FSIP1: variants seen among roughly 807,000 people sequenced by gnomAD.
The protein encoded by FSIP1 is fibrous sheath-interacting protein 1.
In FSIP1, 65 loss-of-function variants were observed where a neutral mutation model predicts 60.9. That is an observed-to-expected ratio of 1.07 (90% CI 0.87 to 1.31). The LOEUF is 1.31. Ranked by LOEUF, FSIP1 falls within the 40% of genes most tolerant of loss-of-function variation. FSIP1 has a pLI of 0.00. For synonymous variants in FSIP1, 209 were observed against 221.2 expected, an observed-to-expected ratio of 0.94 and a Z score of 0.49; for missense variants, 675 against 665.5, an observed-to-expected ratio of 1.01 and a Z score of -0.16.
At chr15:39,753,472 A>G (rs1897222431) in intron 5 of FSIP1, among the ~76,000 whole-genome samples, 1 of 152,130 alleles carries the variant, frequency 6.6e-6, no homozygotes, top group Admixed American at 6.6e-5. Context: ...ATATAGATGC[A>G]AAAAATCTGA....
At chr15:39,614,305 T>C (rs1271432163) in intron 11 of FSIP1, among the ~76,000 whole-genome samples, 2 of 151,746 alleles carry the variant, frequency 1.3e-5, no homozygotes, top group Non-Finnish European at 2.9e-5. Context: ...AAATAGGAAA[T>C]TAAGAAAACA....
At chr15:39,753,497 T>G (rs916800298) in intron 5 of FSIP1, among the ~76,000 whole-genome samples, 2 of 152,158 alleles carry the variant, frequency 1.3e-5, no homozygotes, top group Non-Finnish European at 2.9e-5. Flanking sequence ...ATTCATTCAT[T>G]TAAATCTGGT....
intron 10 of FSIP1, among the ~76,000 whole-genome samples, chr15:39,618,823 A>G (rs1891337979): frequency 6.6e-6 from 1 of 152,214 alleles, no homozygotes; most frequent in South Asian, 2.1e-4. Flanking sequence ...CAGGAAATAA[A>G]TTTTTAAAAA....
intron 10 of FSIP1, among the ~76,000 whole-genome samples, chr15:39,645,709 C>A (rs370001707): frequency 6.6e-6 from 1 of 152,214 alleles, no homozygotes; most frequent in Admixed American, 6.5e-5. Context: ...TCTCTGCAGC[C>A]TGCACCCTCG....
chr15:39,627,022 T>C (rs114196855), intron 10 of FSIP1, among the ~76,000 whole-genome samples: 2,777 of 152,102 alleles, frequency 0.018, 83 homozygotes, highest in African/African-American at 0.064. Flanking sequence ...GCCCCACCCA[T>C]ATAAGAGAGA....
chr15:39,751,320 C>T (rs1897153850), intron 5 of FSIP1, among the ~76,000 whole-genome samples: 1 of 151,790 alleles, frequency 6.6e-6, no homozygotes, highest in Non-Finnish European at 1.5e-5. Context: ...GACATCTGCA[C>T]TCCCATGTTT....
chr15:39,601,158 AG>A (rs1003923080), intron 11 of FSIP1, among the ~76,000 whole-genome samples: 2 of 152,220 alleles, frequency 1.3e-5, no homozygotes, highest in African/African-American at 4.8e-5. Context: ...AGAACACTAC[AG>A]GTTTTGGAGC....
chr15:39,620,224 C>T (rs1470366303), intron 10 of FSIP1, among the ~76,000 whole-genome samples: 1 of 152,146 alleles, frequency 6.6e-6, no homozygotes, highest in African/African-American at 2.4e-5. Flanking sequence ...AATATTTACA[C>T]AGTCAATGAT....
chr15:39,776,259 A>T, intron 2 of FSIP1, 140 bp downstream of exon 2: 1 of 642,528 alleles, frequency 1.6e-6, no homozygotes, highest in Non-Finnish European at 2.5e-6. Context: ...TCTAGATTAA[A>T]ATCCAAGAAA....
chr15:39,608,552 C>CA, intron 11 of FSIP1, among the ~76,000 whole-genome samples: 1 of 152,224 alleles, frequency 6.6e-6, no homozygotes, highest in Middle Eastern at 3.4e-3. Context: ...ACACTTTATC[C>CA]AAAAAGAAGG....
At chr15:39,709,072 C>G (rs1306542244) in intron 10 of FSIP1, among the ~76,000 whole-genome samples, 1 of 152,218 alleles carries the variant, frequency 6.6e-6, no homozygotes, top group African/African-American at 2.4e-5. Flanking sequence ...CTCAGCCTAA[C>G]CCTGAAACAC....
chr15:39,679,304 A>C (rs1894066936), intron 10 of FSIP1, among the ~76,000 whole-genome samples: 1 of 152,238 alleles, frequency 6.6e-6, no homozygotes, highest in Non-Finnish European at 1.5e-5. Context: ...AGCCAAAGAC[A>C]TCAAGACAAA....
chr15:39,606,645 T>C (rs902038831), intron 11 of FSIP1, among the ~76,000 whole-genome samples: 1 of 152,214 alleles, frequency 6.6e-6, no homozygotes, highest in African/African-American at 2.4e-5. Flanking sequence ...TCAAGAATAC[T>C]GTTCACTCAA....
At chr15:39,723,378 G>A (rs1896062530) in intron 9 of FSIP1, among the ~76,000 whole-genome samples, 1 of 152,098 alleles carries the variant, frequency 6.6e-6, no homozygotes, top group Non-Finnish European at 1.5e-5. Context: ...ACAGGCGCCT[G>A]CCACCACACC....
intron 10 of FSIP1, among the ~76,000 whole-genome samples, chr15:39,701,361 C>A (rs974665691): frequency 6.6e-6 from 1 of 152,122 alleles, no homozygotes; most frequent in African/African-American, 2.4e-5. Context: ...TATTCTTGCA[C>A]ATGTAGGTTG....
chr15:39,616,945 G>A (rs993745156), intron 11 of FSIP1, among the ~76,000 whole-genome samples: 4 of 152,126 alleles, frequency 2.6e-5, no homozygotes, highest in Admixed American at 2.6e-4. Context: ...CACTGGAAGT[G>A]GGAAGCAAGA....
chr15:39,626,431 T>G (rs1891642065), intron 10 of FSIP1, among the ~76,000 whole-genome samples: 1 of 152,206 alleles, frequency 6.6e-6, no homozygotes, highest in Non-Finnish European at 1.5e-5. Context: ...AAGGTGGAGA[T>G]GTGGCATGGC....
rs150335058 is a variant in FSIP1 at position 39,692,941 on chromosome 15, A to G, written c.1188+20503T>C. Among the ~76,000 whole-genome samples, 67 of 152,326 alleles carry G rather than the reference A, an allele frequency of 4.4e-4. 1 individual carries two copies. The highest frequency in any genetic ancestry group is 1.5e-3 in the African/African-American group (64 of 41,584). ...GCACTGCAGCCCTGGAAACCTGGGT[A>G]CAAGGCAGAAGGGGCTGAGTTGCAT... On this transcript the variant is annotated intron_variant, in intron 10 of 11. Transcript: ENST00000350221.
At chr15:39,758,915 A>G (rs1309637162) in intron 5 of FSIP1, among the ~76,000 whole-genome samples, 7 of 152,154 alleles carry the variant, frequency 4.6e-5, no homozygotes, top group African/African-American at 9.6e-5. Context: ...AGCATTTCAA[A>G]TAAGTGGGGA....
Sources: gnomAD v4.1 joint callset for allele counts (sites outside exome capture counted in the v4.1 genomes callset) on GRCh38, gnomAD v4.1.1 for gene constraint, MANE v1.5 for transcripts, NCBI Gene and HGNC (gene_info 2026-07-23, HGNC 2026-07-21) for gene names.